The following PCDH11X variants were observed in gnomAD, a reference collection of about 807,000 sequenced individuals.
The protein encoded by PCDH11X is protocadherin 11 X-linked, also known as protocadherin-11 X-linked.
Under a neutral mutation model 53.3 loss-of-function variants are expected in PCDH11X, and 18 were observed. The ratio of observed to expected loss-of-function variants is 0.34; its 90% CI spans 0.23 to 0.50. PCDH11X has a LOEUF of 0.50. PCDH11X is among the 20% of genes least tolerant of loss of function. The probability of loss-of-function intolerance (pLI) is 0.98; values close to 1 mark genes in which losing one functional copy is unlikely to be tolerated. For synonymous variants in PCDH11X, 279 were observed against 393.3 expected (o/e 0.71, Z 3.44); for missense variants, 570 against 1,032.4 (o/e 0.55, Z 6.14).
chrX:92,496,835 A>G (rs1427331968), intron 10 of PCDH11X, among the ~76,000 whole-genome samples: 2 of 108,156 alleles, frequency 1.8e-5, no homozygotes, highest in Non-Finnish European at 3.8e-5. Flanking sequence ...ACCCTCACCT[A>G]GAATGCTTTT....
chrX:92,192,965 C>T (rs2066225833), intron 6 of PCDH11X, among the ~76,000 whole-genome samples: 2 of 111,688 alleles, frequency 1.8e-5, no homozygotes, highest in Non-Finnish European at 1.9e-5. Context: ...TCTCGAACCC[C>T]TGATCTCAAG....
chrX:92,274,952 A>C (rs1201968129), intron 8 of PCDH11X, among the ~76,000 whole-genome samples: 1 of 110,419 alleles, frequency 9.1e-6, no homozygotes, highest in Non-Finnish European at 1.9e-5. Flanking sequence ...GTGGGAGGCC[A>C]GTTTGAAGTC....
intron 6 of PCDH11X, among the ~76,000 whole-genome samples, chrX:92,135,757 TTG>T (rs575523392): frequency 0.019 from 1,894 of 99,898 alleles, 20 homozygotes; most frequent in African/African-American, 0.039. Flanking sequence ...GTGTGCATGT[TTG>T]TGTGTGTGTG....
At position 92,346,951 on chromosome X, in the gene PCDH11X, C is replaced by A. The variant is rs755339767; in HGVS notation, c.3145-40784C>A. Among the ~76,000 whole-genome samples, 812 of 110,854 alleles carry A rather than the reference C, an allele frequency of 7.3e-3. 9 individuals carry two copies. The highest frequency in any genetic ancestry group is 0.026 in the African/African-American group (783 of 30,589). ...TTTCAGTTGGTTTCCTACTAATTTT[C>A]TGTTAATTGGTGGTAAAAAAAACTA... On this transcript the variant is annotated intron_variant, in intron 8 of 10. Coordinates refer to ENST00000682573, the MANE Select transcript of PCDH11X (RefSeq NM_032968.5).
At chrX:91,883,502 C>G (rs1214604736) in intron 6 of PCDH11X, 3 of 752,575 alleles carry the variant, frequency 4.0e-6, no homozygotes, top group East Asian at 1.5e-4. Context: ...TATTACCCAC[C>G]ACTCTGCTTA....
At chrX:92,440,173 A>C (rs1462723953) in intron 9 of PCDH11X, among the ~76,000 whole-genome samples, 2 of 105,288 alleles carry the variant, frequency 1.9e-5, no homozygotes, top group African/African-American at 6.9e-5. Flanking sequence ...TTTTTTTAGA[A>C]GTTTTATTTT....
intron 6 of PCDH11X, among the ~76,000 whole-genome samples, chrX:92,144,377 G>A (rs1173925243): frequency 9.1e-6 from 1 of 110,381 alleles, no homozygotes; most frequent in Non-Finnish European, 1.9e-5. Context: ...CGTGTTGTGC[G>A]AAGGACCCAG....
intron 6 of PCDH11X, among the ~76,000 whole-genome samples, chrX:92,062,272 G>C (rs1456720785): frequency 9.0e-6 from 1 of 111,123 alleles, no homozygotes; most frequent in East Asian, 2.8e-4. Flanking sequence ...AACAGAGATA[G>C]TTTGACTTCC....
rs1329486381 is a variant in PCDH11X at position 91,879,166 on chromosome X, G to T, written c.2926G>T (p.Asp976Tyr). ...TCTCGATAACACCTTTGTGGCCTGT[G>T]ACTCTATCTCCAAGTGTTCCTCAAG... is the stretch of plus-strand genomic sequence containing the variant. ...LPLDNTFVAC[D>Y]SISKCSSSSS... Residue 976 changes from aspartate (D) to tyrosine (Y), a missense_variant, in exon 6 of 11, where the codon GAC becomes TAC. Physicochemically the swap from Asp to Tyr is radical, Grantham distance 160. Coordinates refer to ENST00000682573, the MANE Select transcript of PCDH11X (RefSeq NM_032968.5). 4 of 1,211,410 alleles carry T rather than the reference G, an allele frequency of 3.3e-6. No individual in the cohort carries two copies. Among genetic ancestry groups the T allele is most frequent in the Non-Finnish European group, 4.5e-6 (4 of 895,437 alleles).
At chrX:91,817,463 C>A (rs1936490175) in intron 4 of PCDH11X, among the ~76,000 whole-genome samples, 1 of 108,142 alleles carries the variant, frequency 9.2e-6, no homozygotes, top group Non-Finnish European at 1.9e-5. Flanking sequence ...GATATTCTAG[C>A]CATCATTTCA....
chrX:92,318,817 A>G (rs771147039), intron 8 of PCDH11X, among the ~76,000 whole-genome samples: 17 of 111,646 alleles, frequency 1.5e-4, no homozygotes, highest in Non-Finnish European at 3.0e-4. Context: ...TTTTGTATCA[A>G]TCTTACTGAT....
rs1437582241 is a variant in PCDH11X, at chrX:92,382,081, A to G, written c.3145-5654A>G. Among the ~76,000 whole-genome samples, 7 of 111,588 alleles carry G rather than the reference A, an allele frequency of 6.3e-5. No homozygotes were observed. In the East Asian group the frequency reaches 2.0e-3, roughly 32 times the overall value. On this transcript the variant is annotated intron_variant, in intron 8 of 10. Transcript: ENST00000682573. ...ATCATTTGGCTAAGAGACAGTACCT[A>G]TGGGAAAAAAATGCAGAAATCCTCT...
intron 10 of PCDH11X, among the ~76,000 whole-genome samples, chrX:92,575,343 G>C (rs1231753310): frequency 9.2e-6 from 1 of 108,528 alleles, no homozygotes; most frequent in Non-Finnish European, 1.9e-5. Flanking sequence ...CACCTTTCAG[G>C]ATTTGTTTTT....
At chrX:92,290,195 G>C (rs1474708373) in intron 8 of PCDH11X, among the ~76,000 whole-genome samples, 1 of 111,258 alleles carries the variant, frequency 9.0e-6, no homozygotes, top group Non-Finnish European at 1.9e-5. Context: ...CCTTCCATTT[G>C]TATGTATGTA....
At chrX:92,473,986 A>G (rs150751708) in intron 10 of PCDH11X, among the ~76,000 whole-genome samples, 1,147 of 110,454 alleles carry the variant, frequency 0.01, 17 homozygotes, top group African/African-American at 0.036. Context: ...ATTAAGTTCA[A>G]TTTTTTTTGC....
intron 4 of PCDH11X, among the ~76,000 whole-genome samples, chrX:91,824,651 G>A (rs931065023): frequency 1.4e-4 from 14 of 101,520 alleles, no homozygotes; most frequent in African/African-American, 3.6e-4. Context: ...TAATTTGATC[G>A]TCTGAAGCCA....
chrX:92,242,055 C>T (rs1197317519), intron 7 of PCDH11X, among the ~76,000 whole-genome samples: 2 of 108,619 alleles, frequency 1.8e-5, no homozygotes, highest in South Asian at 4.1e-4. Flanking sequence ...TGAGATCATG[C>T]CACTGCACTC....
At chrX:92,563,936 C>T (rs1206413879) in intron 10 of PCDH11X, among the ~76,000 whole-genome samples, 1 of 110,686 alleles carries the variant, frequency 9.0e-6, no homozygotes, top group Non-Finnish European at 1.9e-5. Flanking sequence ...TTGCAGGATA[C>T]GAAGTCAGTA....
chrX:92,507,855 C>T (rs1260661408), intron 10 of PCDH11X, among the ~76,000 whole-genome samples: 10 of 110,869 alleles, frequency 9.0e-5, no homozygotes, highest in Non-Finnish European at 1.9e-4. Context: ...CTCTGTCATC[C>T]AGGCTGGAGT....
Sources: gnomAD v4.1 joint callset for allele counts (sites outside exome capture counted in the v4.1 genomes callset) on GRCh38, gnomAD v4.1.1 for gene constraint, MANE v1.5 for transcripts, NCBI Gene and HGNC (gene_info 2026-07-23, HGNC 2026-07-21) for gene names.